Variants in RAB10 observed in about 807,000 individuals in gnomAD.
RAB10 encodes RAB10, member RAS oncogene family.
In RAB10, 5 loss-of-function variants were observed where a neutral mutation model predicts 25.7. That is an observed-to-expected ratio of 0.19 (90% CI 0.10 to 0.41). RAB10 has a LOEUF of 0.41. Ranked by LOEUF, RAB10 falls within the 10% of genes least tolerant of loss-of-function variation. The pLI is 1.00. For missense variants in RAB10, 103 were observed against 245.8 expected (o/e 0.42, Z 3.89); for synonymous variants, 89 against 86.4 (o/e 1.03, Z -0.16).
intron 1 of RAB10, among the ~76,000 whole-genome samples, chr2:26,047,407 G>C (rs1559577707): frequency 9.3e-6 from 1 of 107,480 alleles, no homozygotes. Flanking sequence ...CATTTGTTTT[G>C]TTTGTTTGTT....
chr2:26,096,942 C>T (rs1667230978), intron 1 of RAB10, among the ~76,000 whole-genome samples: 1 of 152,138 alleles, frequency 6.6e-6, no homozygotes, highest in African/African-American at 2.4e-5. Context: ...ATACTTTGGG[C>T]TGGGTGCGGT....
Position 26,136,700 on chromosome 2 carries a change from C to T in RAB10, c.*1679C>T, listed in dbSNP as rs904304074. On this transcript the variant is annotated 3_prime_UTR_variant, in exon 6 of 6. Coordinates refer to ENST00000264710, the MANE Select transcript of RAB10 (RefSeq NM_016131.5). ...CTTCCATTGAGAAGTCTTTCTGTGT[C>T]GTGAATAGCATTTTAATGACCTCTT... The T allele has an allele frequency of 6.6e-6, 1 of 152,552 alleles. No homozygotes were observed. The highest frequency in any genetic ancestry group is 1.5e-5 in the Non-Finnish European group (1 of 68,022). The allele number at this position is 152,552 out of a possible 1,614,324, so 9.4% of individuals were successfully genotyped here. A position where few individuals can be genotyped will look rare whatever the true frequency, so the allele number is the denominator to read the frequency against.
chr2:26,091,010 A>G (rs1667096037), intron 1 of RAB10, among the ~76,000 whole-genome samples: 1 of 152,100 alleles, frequency 6.6e-6, no homozygotes, highest in Non-Finnish European at 1.5e-5. Flanking sequence ...GCTGATGGAA[A>G]GCAGAGTAGA....
chr2:26,118,973 T>TTAA (rs1349042833), intron 3 of RAB10, among the ~76,000 whole-genome samples: 1 of 152,202 alleles, frequency 6.6e-6, no homozygotes, highest in Non-Finnish European at 1.5e-5. Flanking sequence ...TGAAAAAAGA[T>TTAA]TAATGTGCAT....
intron 3 of RAB10, among the ~76,000 whole-genome samples, chr2:26,123,406 T>TA (rs1156245270): frequency 6.6e-6 from 1 of 152,076 alleles, no homozygotes; most frequent in Non-Finnish European, 1.5e-5. Context: ...CTGGAGGAAT[T>TA]ACACCGCTGA....
chr2:26,067,004 A>G (rs1476543022), intron 1 of RAB10, among the ~76,000 whole-genome samples: 1 of 151,844 alleles, frequency 6.6e-6, no homozygotes, highest in Non-Finnish European at 1.5e-5. Flanking sequence ...CTGGTCTCGA[A>G]CTCCTGACCT....
chr2:26,075,848 G>T (rs1186330307), intron 1 of RAB10, among the ~76,000 whole-genome samples: 1 of 152,076 alleles, frequency 6.6e-6, no homozygotes, highest in Non-Finnish European at 1.5e-5. Context: ...AAGGTGGAGG[G>T]TTAGGGGGTG....
chr2:26,119,958 AT>A (rs1323536023), intron 3 of RAB10, among the ~76,000 whole-genome samples: 1 of 152,208 alleles, frequency 6.6e-6, no homozygotes, highest in Non-Finnish European at 1.5e-5. Context: ...TAGGTTGTAA[AT>A]TGGTGGTCTG....
At chr2:26,066,636 G>C (rs939754415) in intron 1 of RAB10, among the ~76,000 whole-genome samples, 3 of 152,044 alleles carry the variant, frequency 2.0e-5, no homozygotes, top group Non-Finnish European at 4.4e-5. Flanking sequence ...GTGAGAACTC[G>C]CTATCATGAG....
intron 5 of RAB10, among the ~76,000 whole-genome samples, chr2:26,128,544 A>G (rs1436611794): frequency 2.0e-5 from 3 of 152,164 alleles, no homozygotes; most frequent in Non-Finnish European, 4.4e-5. Context: ...TGTCTTTTCT[A>G]GCCTTTTTAC....
intron 3 of RAB10, among the ~76,000 whole-genome samples, chr2:26,121,444 A>G (rs1035169090): frequency 6.6e-6 from 1 of 152,174 alleles, no homozygotes; most frequent in Non-Finnish European, 1.5e-5. Context: ...TCAGCCTCCC[A>G]AGAAGCTGGG....
At chr2:26,033,358 T>C (rs1220271340), upstream of RAB10, among the ~76,000 whole-genome samples, 1 of 152,218 alleles carries the variant, frequency 6.6e-6, no homozygotes, top group Non-Finnish European at 1.5e-5. Flanking sequence ...AGGGAGGTTC[T>C]TCCTGCGCCC....
chr2:26,088,961 T>C (rs1367860278), intron 1 of RAB10, among the ~76,000 whole-genome samples: 1 of 151,456 alleles, frequency 6.6e-6, no homozygotes, highest in East Asian at 1.9e-4. Context: ...TGTGGGTATA[T>C]AGGGTGGGGG....
chr2:26,038,383 G>T (rs1574522063), intron 1 of RAB10, among the ~76,000 whole-genome samples: 1 of 149,896 alleles, frequency 6.7e-6, no homozygotes, highest in Admixed American at 6.7e-5. Context: ...TTTAGTAGAG[G>T]TGGTGTTTCA....
intron 1 of RAB10, among the ~76,000 whole-genome samples, chr2:26,082,545 T>C (rs1372573068): frequency 6.6e-6 from 1 of 152,108 alleles, no homozygotes; most frequent in Non-Finnish European, 1.5e-5. Context: ...AATTGTATAG[T>C]TGGATATTTT....
chr2:26,052,071 A>C (rs1221201384), intron 1 of RAB10, among the ~76,000 whole-genome samples: 1 of 149,818 alleles, frequency 6.7e-6, no homozygotes, highest in Non-Finnish European at 1.5e-5. Flanking sequence ...AAAAAAAAAC[A>C]AAAAGTCATT....
chr2:26,045,605 C>T (rs903486700), intron 1 of RAB10, among the ~76,000 whole-genome samples: 2 of 152,158 alleles, frequency 1.3e-5, no homozygotes, highest in Admixed American at 6.5e-5. Context: ...GGAGTAGGAG[C>T]TTGTTGAGTG....
chr2:26,084,948 A>G (rs114599333), intron 1 of RAB10, among the ~76,000 whole-genome samples: 2,221 of 152,322 alleles, frequency 0.015, 21 homozygotes, highest in South Asian at 0.025. Flanking sequence ...AGGAATGTGT[A>G]TATTGCATTG....
At position 26,034,166 on chromosome 2, in the gene RAB10, T is replaced by C. The variant is rs1665703166; in HGVS notation, c.-443T>C. ...GGGGTGGCTCGGTTTCCTGGGGCTATGTAACTGAGCTCGTCGACTTAGGGG... is the reference window on the plus strand; with the variant it reads ...GGGGTGGCTCGGTTTCCTGGGGCTACGTAACTGAGCTCGTCGACTTAGGGG... On this transcript the variant is annotated 5_prime_UTR_variant, in exon 1 of 6. An upstream start codon of the reference 5' UTR is lost. Coordinates refer to ENST00000264710, the MANE Select transcript of RAB10 (RefSeq NM_016131.5). 9.7e-6 allele frequency: 4 copies of C among 412,412 alleles called. No individual in the cohort carries two copies. The highest frequency in any genetic ancestry group is 9.8e-5 in the South Asian group (1 of 10,188). The allele number at this position is 412,412 out of a possible 1,614,324, so 25.5% of individuals were successfully genotyped here. A position where few individuals can be genotyped will look rare whatever the true frequency, so the allele number is the denominator to read the frequency against.
Sources: allele counts gnomAD v4.1 joint callset (sites outside exome capture counted in the v4.1 genomes callset), GRCh38; gene constraint gnomAD v4.1.1; transcripts MANE v1.5; gene names NCBI Gene and HGNC (gene_info 2026-07-23, HGNC 2026-07-21).